RNF17: variants seen among roughly 807,000 people sequenced by gnomAD.
RNF17 encodes the protein spermatogenesis associated 23.
A neutral mutation model predicts 200.5 loss-of-function variants in RNF17; 31 were observed. The observed-to-expected ratio is 0.15, with a 90% confidence interval of 0.12 to 0.21. The LOEUF is 0.21. Among genes scored for constraint, RNF17 ranks in the 10% least tolerant of loss-of-function variants. RNF17 has a pLI of 1.00. For missense variants in RNF17, 1,628 were observed against 1,905.1 expected (o/e 0.85, Z 2.71); for synonymous variants, 606 against 637.8 (o/e 0.95, Z 0.75).
intron 10 of RNF17, among the ~76,000 whole-genome samples, chr13:24,794,670 C>T (rs1397302799): frequency 7.0e-6 from 1 of 143,732 alleles, no homozygotes; most frequent in Non-Finnish European, 1.6e-5. Context: ...GAGACCTCAT[C>T]TCAAATAAAT....
At chr13:24,887,287 G>A in the RNF17 span, among the ~76,000 whole-genome samples, 1 of 152,150 alleles carries the variant, frequency 6.6e-6, no homozygotes, top group Non-Finnish European at 1.5e-5. Flanking sequence ...ACTTATACCA[G>A]GGGGCCCCAA....
chr13:24,812,906 TCTC>T (rs1886898678), intron 15 of RNF17, among the ~76,000 whole-genome samples: 1 of 151,932 alleles, frequency 6.6e-6, no homozygotes, highest in Non-Finnish European at 1.5e-5. Flanking sequence ...ATGGTCTTGA[TCTC>T]CTGACTTTGT....
the RNF17 span, chr13:24,885,804 T>C: frequency 1.4e-6 from 1 of 699,308 alleles, no homozygotes. Flanking sequence ...TCTTAATATT[T>C]TTCTTTACTA....
intron 16 of RNF17, among the ~76,000 whole-genome samples, chr13:24,826,719 G>C (rs1034042765): frequency 1.3e-5 from 2 of 151,910 alleles, no homozygotes; most frequent in Non-Finnish European, 1.5e-5. Context: ...GTTGCAGTGA[G>C]CTGGGATTGC....
the RNF17 span, among the ~76,000 whole-genome samples, chr13:24,757,379 A>G: frequency 1.3e-5 from 2 of 150,050 alleles, no homozygotes; most frequent in Non-Finnish European, 2.9e-5. Context: ...GCTGGAGTAC[A>G]GTGGCGTGTT....
intron 29 of RNF17, among the ~76,000 whole-genome samples, chr13:24,865,428 G>A (rs1160488400): frequency 2.0e-5 from 3 of 152,124 alleles, no homozygotes; most frequent in Non-Finnish European, 4.4e-5. Context: ...CACATTTTGA[G>A]CTTAGCTTCC....
At chr13:24,832,273 T>C (rs1889498162) in intron 18 of RNF17, among the ~76,000 whole-genome samples, 1 of 152,216 alleles carries the variant, frequency 6.6e-6, no homozygotes, top group Non-Finnish European at 1.5e-5. Flanking sequence ...TCCTTGTCCT[T>C]AACATAGTGG....
chr13:24,754,355 G>A, the RNF17 span, among the ~76,000 whole-genome samples: 1 of 152,138 alleles, frequency 6.6e-6, no homozygotes, highest in African/African-American at 2.4e-5. Flanking sequence ...AGACATACAG[G>A]CCAGGTCTCA....
At chr13:24,808,922 G>T (rs1886237902) in intron 15 of RNF17, among the ~76,000 whole-genome samples, 1 of 142,882 alleles carries the variant, frequency 7.0e-6, no homozygotes, top group Admixed American at 7.1e-5. Context: ...TTTGTCTTTG[G>T]TTCTGTTTAT....
At chr13:24,822,609 T>C (rs892801029) in intron 15 of RNF17, among the ~76,000 whole-genome samples, 6 of 152,012 alleles carry the variant, frequency 3.9e-5, no homozygotes, top group African/African-American at 1.2e-4. Flanking sequence ...TTAGTAGAGA[T>C]GGGGTTTCGC....
chr13:24,802,462 G>C lies in RNF17; in HGVS notation c.1840G>C (p.Glu614Gln). The change falls in exon 14 of 36, where the codon GAA (glutamate) becomes CAA (glutamine). Residue 614 changes from glutamate (E) to glutamine (Q), a missense_variant. Glu to Gln is a conservative substitution (Grantham distance 29, BLOSUM62 2). Around this residue, in one of 5 missense-constraint regions of RNF17, gnomAD observed 289 missense variants for 384.9 expected, o/e 0.75. Transcript: ENST00000255324. ...GGCTGTTTCAATGAAAGTTTTTAGA[G>C]AAGAAGATGGTGTGCTTATTGTAGA... ...NKAVSMKVFR[E>Q]EDGVLIVDLQ... is the part of the protein sequence containing the mutation. The C allele has an allele frequency of 2.5e-6, 4 of 1,613,954 alleles. No homozygotes were observed. The highest frequency in any genetic ancestry group is 3.4e-6 in the Non-Finnish European group (4 of 1,179,872).
At chr13:24,756,290 C>T in the RNF17 span, among the ~76,000 whole-genome samples, 1 of 152,062 alleles carries the variant, frequency 6.6e-6, no homozygotes, top group Non-Finnish European at 1.5e-5. Context: ...ATATATAAAA[C>T]ATCAAATATT....
intron 2 of RNF17, among the ~76,000 whole-genome samples, chr13:24,772,377 G>C (rs1464594078): frequency 6.8e-6 from 1 of 147,748 alleles, no homozygotes; most frequent in East Asian, 2.0e-4. Context: ...CATATTAGAT[G>C]ATGTTAGGAC....
downstream of RNF17, chr13:24,884,018 G>C (rs201774037): frequency 4.6e-5 from 74 of 1,613,940 alleles, no homozygotes; most frequent in Non-Finnish European, 5.7e-5. Context: ...TGTCCATCAG[G>C]AAATAAGTTT....
In RNF17 at chr13:24,868,581, T is replaced by G. The variant is rs779605103; in HGVS notation, c.4162-19T>G. ...TTTTGTCCTTATTCTGAAATTTGAA[T>G]TTTTCTGTGGTGTTTTAGGAATTGC... is the stretch of plus-strand genomic sequence containing the variant. On this transcript the variant is annotated intron_variant, in intron 30 of 35. Coordinates refer to ENST00000255324, the MANE Select transcript of RNF17 (RefSeq NM_031277.3). The G allele has an allele frequency of 5.2e-6, 7 of 1,340,622 alleles. No individual in the cohort carries two copies. The highest frequency in any genetic ancestry group is 6.4e-6 in the Non-Finnish European group (6 of 933,266). The allele number at this position is 1,340,622 out of a possible 1,614,324, so 83.0% of individuals were successfully genotyped here.
rs1170338614 is a variant in RNF17 at position 24,851,090 on chromosome 13, G to A, written c.3205-366G>A. Among the ~76,000 whole-genome samples, 4 of 152,292 alleles carry A rather than the reference G, an allele frequency of 2.6e-5. No individual in the cohort carries two copies. The East Asian group carries it at 7.7e-4, about 29-fold the overall frequency. On this transcript the variant is annotated intron_variant, in intron 23 of 35. Coordinates refer to ENST00000255324, the MANE Select transcript of RNF17 (RefSeq NM_031277.3). ...GCTCACCGCAATCTCCGACTCCCAG[G>A]TTCAAGAGCTTCTCCTGTCTCAGCC...
At chr13:24,765,364 A>G (rs1337926707) in intron 1 of RNF17, among the ~76,000 whole-genome samples, 1 of 152,198 alleles carries the variant, frequency 6.6e-6, no homozygotes, top group Non-Finnish European at 1.5e-5. Context: ...TGCTCTTAAT[A>G]CAGCTGAGTT....
At chr13:24,831,055 GT>G (rs1889326042) in intron 17 of RNF17, among the ~76,000 whole-genome samples, 1 of 152,092 alleles carries the variant, frequency 6.6e-6, no homozygotes, top group Non-Finnish European at 1.5e-5. Flanking sequence ...AAGGAGCCTT[GT>G]TTTCTAATTT....
chr13:24,785,940 C>T (rs1593247266), intron 6 of RNF17, among the ~76,000 whole-genome samples: 1 of 152,050 alleles, frequency 6.6e-6, no homozygotes. Flanking sequence ...TTTGTGGCAG[C>T]ATATAGTTGG....
Sources: allele counts gnomAD v4.1 joint callset (sites outside exome capture counted in the v4.1 genomes callset), GRCh38; gene constraint gnomAD v4.1.1; regional missense constraint gnomAD v4.1.1; transcripts MANE v1.5; gene names NCBI Gene and HGNC (gene_info 2026-07-23, HGNC 2026-07-21).